Variants in SLC6A3 observed in about 807,000 individuals in gnomAD.
The protein encoded by SLC6A3 is solute carrier family 6 member 3.
SLC6A3 carries 19 observed loss-of-function variants against 70.4 expected under a neutral mutation model. The observed-to-expected ratio is 0.27, with a 90% CI of 0.19 to 0.40. The LOEUF (loss-of-function observed/expected upper bound fraction) is 0.40, where lower values mean the gene tolerates loss of function less well. Ranked by LOEUF, SLC6A3 falls within the 10% of genes least tolerant of loss-of-function variation. SLC6A3 has a pLI of 1.00. For synonymous variants in SLC6A3, 368 were observed against 356.6 expected, an observed-to-expected ratio of 1.03 and a Z score of -0.36; for missense variants, 613 against 838.5, an observed-to-expected ratio of 0.73 and a Z score of 3.32.
intron 9 of SLC6A3, among the ~76,000 whole-genome samples, chr5:1,410,531 G>C (rs1026651872): frequency 6.6e-6 from 1 of 152,152 alleles, no homozygotes; most frequent in African/African-American, 2.4e-5. Context: ...AGAAAGTCCA[G>C]CAGGCCCAGG....
At position 1,416,187 on chromosome 5, in the gene SLC6A3, C is replaced by A. The variant is rs780728481; in HGVS notation, c.942G>T (p.Ala314=). ...RLCEASVWID[A]ATQVCFSLGV... is the part of the protein sequence containing the mutation. ...CCAGGGAGAAGCACACCTGGGTGGC[C>A]GCGTCAATCCAAACCTGCAGAGCCA... Residue 314 remains alanine, a synonymous_variant, in exon 7 of 15, where the codon GCG becomes GCT. Transcript: ENST00000270349. The A allele has an allele frequency of 1.2e-6, 2 of 1,613,270 alleles. No individual in the cohort carries two copies. The highest frequency in any genetic ancestry group is 1.7e-6 in the Non-Finnish European group (2 of 1,179,858).
rs1184247276 is a variant in SLC6A3, at chr5:1,413,335, G to A, written c.1156+1356C>T. On this transcript the variant is annotated intron_variant, in intron 8 of 14. Transcript: ENST00000270349. This position sits in a 1 kb window ranked among gnomAD's most constrained non-coding sequence, Gnocchi z 7.1. The stretch of plus-strand genomic sequence containing the variant: ...TTAGGAGGCCCACCTCTGAGCTGTG[G>A]CTCCAGCCCCGACCCTGGCTTTCTG... Among the ~76,000 whole-genome samples, 1 of 152,166 alleles carries A rather than the reference G, an allele frequency of 6.6e-6. No individual in the cohort carries two copies. The highest frequency in any genetic ancestry group is 1.5e-5 in the Non-Finnish European group (1 of 68,042).
At chr5:1,395,042 G>A (rs756060279) in intron 14 of SLC6A3, among the ~76,000 whole-genome samples, 2 of 152,232 alleles carry the variant, frequency 1.3e-5, no homozygotes, top group African/African-American at 2.4e-5. Context: ...CCTCTGGGGC[G>A]TATTGATCAG....
chr5:1,407,964 G>GCAC (rs1351324092), intron 11 of SLC6A3, among the ~76,000 whole-genome samples: 1 of 151,762 alleles, frequency 6.6e-6, no homozygotes, highest in Non-Finnish European at 1.5e-5. Flanking sequence ...GGCTCACGCA[G>GCAC]CACCACAGAC....
rs980206407 is a variant in SLC6A3, at chr5:1,404,797, C to T, written c.1599+1391G>A. Among the ~76,000 whole-genome samples, 1 of 152,362 alleles carries T rather than the reference C, an allele frequency of 6.6e-6. No homozygotes were observed. The highest frequency in any genetic ancestry group is 2.4e-5 in the African/African-American group (1 of 41,586). Reference sequence around the variant, plus strand: ...TCTCTCAACTTGGCAAAATGAAGTCCTGTTTCGTATAGTTTGTAGTTTTAT... The same window carrying T: ...TCTCTCAACTTGGCAAAATGAAGTCTTGTTTCGTATAGTTTGTAGTTTTAT... On this transcript the variant is annotated intron_variant, in intron 12 of 14. Transcript: ENST00000270349. The surrounding 1 kb of genome is among the most constrained non-coding windows in gnomAD (Gnocchi z 5.2).
In SLC6A3 at chr5:1,437,517, C is replaced by A. The variant is rs576244918; in HGVS notation, c.418+3842G>T. On this transcript the variant is annotated intron_variant, in intron 3 of 14. Coordinates refer to ENST00000270349, the MANE Select transcript of SLC6A3 (RefSeq NM_001044.5). This position sits in a 1 kb window ranked among gnomAD's most constrained non-coding sequence, Gnocchi z 4.8. ...GGAGGAGACGGAGAGTTTTAAAGAC[C>A]CACCTCTCAGGACCCTGGGGTGCAC... Among the ~76,000 whole-genome samples the A allele has an allele frequency of 6.6e-6, 1 of 152,028 alleles. No individual in the cohort carries two copies. Among genetic ancestry groups the A allele is most frequent in the South Asian group, 2.1e-4 (1 of 4,812 alleles).
chr5:1,398,889 C>T (rs145561696), intron 14 of SLC6A3, among the ~76,000 whole-genome samples: 294 of 152,288 alleles, frequency 1.9e-3, no homozygotes, highest in East Asian at 0.01. Context: ...AATATACTAT[C>T]GAGGAAGAAT....
chr5:1,429,096 G>A (rs998797544), intron 4 of SLC6A3, among the ~76,000 whole-genome samples: 1 of 152,108 alleles, frequency 6.6e-6, no homozygotes, highest in African/African-American at 2.4e-5. Flanking sequence ...GATTACATGC[G>A]CTGGCAGGAA....
chr5:1,408,905 T>C lies in SLC6A3; in HGVS notation c.1498+121A>G, dbSNP rs1247978376. On this transcript the variant is annotated intron_variant, in intron 11 of 14. Transcript: ENST00000270349. This position sits in a 1 kb window ranked among gnomAD's most constrained non-coding sequence, Gnocchi z 6.4. The stretch of plus-strand genomic sequence containing the variant: ...GCCTCTCCCCTCTGCGGAGCTGTGA[T>C]GACCACAACCCAGGCTTCCTGCAGC... The C allele has an allele frequency of 2.7e-6, 2 of 737,288 alleles. No individual in the cohort carries two copies. Among genetic ancestry groups the C allele is most frequent in the East Asian group, 5.3e-5 (2 of 37,450 alleles). The allele number at this position is 737,288 out of a possible 1,614,324, so 45.7% of individuals were successfully genotyped here.
Position 1,417,313 on chromosome 5 carries a change from C to G in SLC6A3, c.928-1112G>C, listed in dbSNP as rs202124739. Among the ~76,000 whole-genome samples, 15 of 152,214 alleles carry G rather than the reference C, an allele frequency of 9.9e-5. No homozygotes were observed. In the East Asian group the frequency reaches 2.7e-3, roughly 28 times the overall value. ...GGTGGCGCCCTGACAACCCTCAGAACAGCATGGATCATCCACATGCTGCAT... is the reference window on the plus strand; with the variant it reads ...GGTGGCGCCCTGACAACCCTCAGAAGAGCATGGATCATCCACATGCTGCAT... On this transcript the variant is annotated intron_variant, in intron 6 of 14. Transcript: ENST00000270349.
intron 9 of SLC6A3, 112 bp from the exon 10 acceptor site, chr5:1,409,961 A>G: frequency 7.1e-7 from 1 of 1,402,528 alleles, no homozygotes; most frequent in South Asian, 1.2e-5. Flanking sequence ...GACACGGAAC[A>G]GGGGCCACAT....
chr5:1,433,390 G>T (rs1756752596), intron 3 of SLC6A3, among the ~76,000 whole-genome samples: 1 of 151,564 alleles, frequency 6.6e-6, no homozygotes, highest in South Asian at 2.1e-4. Flanking sequence ...CAGCCACCAG[G>T]CTCATTCAGG....
chr5:1,412,857 A>C (rs1170990021), intron 8 of SLC6A3, among the ~76,000 whole-genome samples: 1 of 152,168 alleles, frequency 6.6e-6, no homozygotes, highest in African/African-American at 2.4e-5. Flanking sequence ...GCGGGGTCAG[A>C]CCTGGGCTCT....
chr5:1,441,257 C>G, intron 3 of SLC6A3, 102 bp downstream of exon 3: 1 of 1,444,122 alleles, frequency 6.9e-7, no homozygotes. Flanking sequence ...CTTAGCAAAG[C>G]AGGGCTGGAT....
At position 1,393,541 on chromosome 5, in the gene SLC6A3, G is replaced by A. The variant is rs1255217377; in HGVS notation, c.*1194C>T. 1 of 154,544 alleles carries A rather than the reference G, an allele frequency of 6.5e-6. No homozygotes were observed. The highest frequency in any genetic ancestry group is 1.5e-5 in the Non-Finnish European group (1 of 68,254). The allele number at this position is 154,544 out of a possible 1,614,324, so 9.6% of individuals were successfully genotyped here. A position where few individuals can be genotyped will look rare whatever the true frequency, so the allele number is the denominator to read the frequency against. On this transcript the variant is annotated 3_prime_UTR_variant, in exon 15 of 15. Coordinates refer to ENST00000270349, the MANE Select transcript of SLC6A3 (RefSeq NM_001044.5). ...AGTGGGGTCCCTTCCTGGAGGTCACGGCTCAAGGCCAGGCAGAGTGTGGTC... is the reference window on the plus strand; with the variant it reads ...AGTGGGGTCCCTTCCTGGAGGTCACAGCTCAAGGCCAGGCAGAGTGTGGTC...
At chr5:1,395,569 G>C (rs549614972) in intron 14 of SLC6A3, among the ~76,000 whole-genome samples, 2 of 152,280 alleles carry the variant, frequency 1.3e-5, no homozygotes, top group South Asian at 4.2e-4. Context: ...TCACACTGCA[G>C]GCCAGGGGTC....
rs1756416151 is a variant in SLC6A3 at position 1,420,736 on chromosome 5, AGGCAG to A, written c.793-38_793-34del. On this transcript the variant is annotated intron_variant, in intron 5 of 14. Transcript: ENST00000270349. ...AGAGGACAGTGTCACCAGGCTGCAC[AGGCAG>A]GGCCCTTGGTGGGAGCAGACACTGG... 3.1e-6 allele frequency: 5 copies of A among 1,611,792 alleles called. No homozygotes were observed. The African/African-American group carries it at 4.0e-5, about 13-fold the overall frequency.
chr5:1,409,141 G>A lies in SLC6A3; in HGVS notation c.1399-16C>T, dbSNP rs1756054968. 1 of 1,580,922 alleles carries A rather than the reference G, an allele frequency of 6.3e-7. No individual in the cohort carries two copies. Among genetic ancestry groups the A allele is most frequent in the Non-Finnish European group, 8.6e-7 (1 of 1,157,336 alleles). ...AGATGCCACCCTGGAAGAGAGGGGAGCCTGTGGACCTACAGAAGGGCTTTC... is the reference window on the plus strand; with the variant it reads ...AGATGCCACCCTGGAAGAGAGGGGAACCTGTGGACCTACAGAAGGGCTTTC... On this transcript the variant is annotated splice_polypyrimidine_tract_variant and intron_variant, in intron 10 of 14. Transcript: ENST00000270349.
rs1755936131 is a variant in SLC6A3 at position 1,404,970 on chromosome 5, C to T, written c.1599+1218G>A. Among the ~76,000 whole-genome samples, 1 of 152,244 alleles carries T rather than the reference C, an allele frequency of 6.6e-6. No homozygotes were observed. Among genetic ancestry groups the T allele is most frequent in the Non-Finnish European group, 1.5e-5 (1 of 68,046 alleles). ...GGGGAGCCAACGTCCTCATGCAAAA[C>T]AGCTCAGTTTCAACTAATGGCGGGG... On this transcript the variant is annotated intron_variant, in intron 12 of 14. Coordinates refer to ENST00000270349, the MANE Select transcript of SLC6A3 (RefSeq NM_001044.5). This position sits in a 1 kb window ranked among gnomAD's most constrained non-coding sequence, Gnocchi z 5.2.
Sources: allele counts gnomAD v4.1 joint callset (sites outside exome capture counted in the v4.1 genomes callset), GRCh38; gene constraint gnomAD v4.1.1; non-coding constraint Gnocchi (gnomAD v3.1); transcripts MANE v1.5; gene names NCBI Gene and HGNC (gene_info 2026-07-23, HGNC 2026-07-21).